AKT3: variants seen among roughly 807,000 people sequenced by gnomAD.
AKT3 encodes the protein RAC-gamma serine/threonine-protein kinase.
AKT3 carries 15 observed loss-of-function variants against 65.3 expected under a neutral mutation model. The observed-to-expected ratio is 0.23, with a 90% CI of 0.15 to 0.35. AKT3 has a LOEUF of 0.35. Among genes scored for constraint, AKT3 ranks in the 10% least tolerant of loss-of-function variants. The pLI is 1.00. For synonymous variants in AKT3, 206 were observed against 183.8 expected (o/e 1.12, Z -0.98); for missense variants, 243 against 576.5 (o/e 0.42, Z 5.92).
chr1:243,713,428 C>T (rs554965154), intron 2 of AKT3, among the ~76,000 whole-genome samples: 2 of 152,208 alleles, frequency 1.3e-5, no homozygotes, highest in African/African-American at 4.8e-5. Flanking sequence ...CTTGGTTAAC[C>T]AAATCCACAC....
chr1:243,642,529 T>C (rs1184904050), intron 5 of AKT3, among the ~76,000 whole-genome samples: 3 of 152,188 alleles, frequency 2.0e-5, no homozygotes, highest in Admixed American at 6.5e-5. Context: ...CAGGATGGTC[T>C]CGATCTCCTG....
At chr1:243,845,588 C>CAAAAAAAAAA (rs10648820) in intron 1 of AKT3, among the ~76,000 whole-genome samples, 25 of 79,316 alleles carry the variant, frequency 3.2e-4, no homozygotes, top group African/African-American at 5.6e-4. Flanking sequence ...GAACCTGTCT[C>CAAAAAAAAAA]AAAAAAAAAA....
chr1:243,553,952 T>C (rs553408061), intron 10 of AKT3, among the ~76,000 whole-genome samples: 1 of 152,188 alleles, frequency 6.6e-6, no homozygotes, highest in African/African-American at 2.4e-5. Flanking sequence ...AAACCAAATA[T>C]ATGAATTTAT....
At chr1:243,679,408 G>A (rs1683762273) in intron 3 of AKT3, among the ~76,000 whole-genome samples, 1 of 152,052 alleles carries the variant, frequency 6.6e-6, no homozygotes, top group African/African-American at 2.4e-5. Context: ...TTTTCTCCCA[G>A]AGAAAACTGA....
intron 2 of AKT3, among the ~76,000 whole-genome samples, chr1:243,796,165 A>G (rs1473424292): frequency 6.6e-6 from 1 of 152,194 alleles, no homozygotes; most frequent in Non-Finnish European, 1.5e-5. Flanking sequence ...TGAAAGAGGT[A>G]TAGCAGCTTC....
chr1:243,836,499 T>C (rs566101921), intron 2 of AKT3, among the ~76,000 whole-genome samples: 5 of 147,560 alleles, frequency 3.4e-5, no homozygotes, highest in South Asian at 2.1e-4. Context: ...AGTGAAGACA[T>C]AGAAGACTAT....
chr1:243,786,214 CA>C (rs1691253098), intron 2 of AKT3, among the ~76,000 whole-genome samples: 1 of 152,208 alleles, frequency 6.6e-6, no homozygotes, highest in Non-Finnish European at 1.5e-5. Context: ...GGTATTCAAG[CA>C]CAAAGCAGAA....
intron 2 of AKT3, among the ~76,000 whole-genome samples, chr1:243,804,160 G>C (rs1692570072): frequency 6.6e-6 from 1 of 152,140 alleles, no homozygotes; most frequent in South Asian, 2.1e-4. Flanking sequence ...TTGCTTGACT[G>C]CTTGAGTTGG....
chr1:243,533,944 T>C (rs1671729836), intron 12 of AKT3, among the ~76,000 whole-genome samples: 1 of 152,096 alleles, frequency 6.6e-6, no homozygotes, highest in Non-Finnish European at 1.5e-5. Flanking sequence ...GAGCCCAGAT[T>C]GTGCCACTGC....
At chr1:243,833,295 T>C (rs972591225) in intron 2 of AKT3, among the ~76,000 whole-genome samples, 1 of 151,942 alleles carries the variant, frequency 6.6e-6, no homozygotes, top group Non-Finnish European at 1.5e-5. Context: ...ACTGGGTAAT[T>C]AACAAAGGAA....
chr1:243,755,235 ATTTT>A (rs71983026), intron 2 of AKT3, among the ~76,000 whole-genome samples: 3 of 136,754 alleles, frequency 2.2e-5, no homozygotes, highest in Admixed American at 7.3e-5. Context: ...CGCCTGGTTA[ATTTT>A]TTTTTTTTTT....
intron 12 of AKT3, among the ~76,000 whole-genome samples, chr1:243,525,903 A>C (rs1224497625): frequency 6.9e-6 from 1 of 144,696 alleles, no homozygotes; most frequent in African/African-American, 2.6e-5. Context: ...AAAGTTTTCC[A>C]AAGTTAAAGA....
chr1:243,766,796 G>T (rs961127687), intron 2 of AKT3, among the ~76,000 whole-genome samples: 2 of 152,196 alleles, frequency 1.3e-5, no homozygotes, highest in African/African-American at 4.8e-5. Flanking sequence ...CATGTATTTT[G>T]AAGGAATAAT....
rs150446712 is a variant in AKT3, at chr1:243,530,416, A to C, written c.1251+15094T>G. Among the ~76,000 whole-genome samples, 97 of 152,336 alleles carry C rather than the reference A, an allele frequency of 6.4e-4. 1 individual carries two copies. The East Asian group carries it at 0.016, about 25-fold the overall frequency. On this transcript the variant is annotated intron_variant, in intron 12 of 13. Coordinates refer to ENST00000673466, the MANE Select transcript of AKT3 (RefSeq NM_005465.7). The stretch of plus-strand genomic sequence containing the variant: ...ATGGACATTAAACAACGTGTTCCTG[A>C]ATTACTTTTAGGTAAATAATGAAAT...
At chr1:243,517,211 A>G (rs1381453885) in intron 12 of AKT3, among the ~76,000 whole-genome samples, 8 of 152,158 alleles carry the variant, frequency 5.3e-5, no homozygotes, top group Non-Finnish European at 8.8e-5. Flanking sequence ...TTTAAAATTC[A>G]TGGAGTTGTT....
chr1:243,811,468 G>C (rs974356433), intron 2 of AKT3, among the ~76,000 whole-genome samples: 1 of 152,178 alleles, frequency 6.6e-6, no homozygotes, highest in Non-Finnish European at 1.5e-5. Context: ...TACAAGGGAT[G>C]TGAAGGACCT....
chr1:243,750,930 T>C (rs1688774119), intron 2 of AKT3, among the ~76,000 whole-genome samples: 1 of 152,164 alleles, frequency 6.6e-6, no homozygotes, highest in South Asian at 2.1e-4. Flanking sequence ...AAATAATGTT[T>C]TTTAAAAGAA....
chr1:243,571,571 T>C (rs916438182), intron 9 of AKT3, among the ~76,000 whole-genome samples: 5 of 152,192 alleles, frequency 3.3e-5, no homozygotes, highest in Admixed American at 1.3e-4. Context: ...CAAATAGGAT[T>C]CATAAAACAT....
chr1:243,735,387 C>T (rs925614702), intron 2 of AKT3, among the ~76,000 whole-genome samples: 2 of 152,170 alleles, frequency 1.3e-5, no homozygotes, highest in Non-Finnish European at 2.9e-5. Context: ...GGATCGCTGT[C>T]ATATATGCAG....
Sources: allele counts gnomAD v4.1 joint callset (sites outside exome capture counted in the v4.1 genomes callset), GRCh38; gene constraint gnomAD v4.1.1; transcripts MANE v1.5; gene names NCBI Gene and HGNC (gene_info 2026-07-23, HGNC 2026-07-21).